The following MTA3 variants were observed in gnomAD, a reference collection of about 807,000 sequenced individuals.
MTA3 encodes metastasis associated 1 family member 3, also known as metastasis-associated protein MTA3.
Under a neutral mutation model 83.5 loss-of-function variants are expected in MTA3, and 34 were observed. That is an observed-to-expected ratio of 0.41 (90% CI 0.31 to 0.54). The LOEUF is 0.54. MTA3 is among the 20% of genes least tolerant of loss of function. MTA3 has a pLI of 0.33. For synonymous variants in MTA3, 303 were observed against 252.7 expected, an observed-to-expected ratio of 1.20 and a Z score of -1.89; for missense variants, 761 against 726.4, an observed-to-expected ratio of 1.05 and a Z score of -0.55.
In MTA3 at chr2:42,519,770, C is replaced by T. The variant is rs550656582; in HGVS notation, c.-141+24516C>T. Among the ~76,000 whole-genome samples, 4 of 152,098 alleles carry T rather than the reference C, an allele frequency of 2.6e-5. No individual in the cohort carries two copies. In the East Asian group the frequency reaches 7.8e-4, roughly 29 times the overall value. On this transcript the variant is annotated intron_variant, in intron 2 of 17. Coordinates refer to the MTA3 transcript ENST00000405592. ...AAATTCTTTTAAAAATTAACCAGGG[C>T]CGGTTACGGTGGCTCACACTTGTAA...
intron 2 of MTA3, among the ~76,000 whole-genome samples, chr2:42,525,498 C>CTTTCCTTCCTTCCTTCCTTCCTTG (rs70963323): frequency 6.7e-6 from 1 of 148,406 alleles, no homozygotes; most frequent in Non-Finnish European, 1.5e-5. Context: ...TTCCTTCCTT[C>CTTTCCTTCCTTCCTTCCTTCCTTG]CTTCCTTCCC....
At chr2:42,750,592 C>T (rs1239438840) in intron 16 of MTA3, among the ~76,000 whole-genome samples, 2 of 152,148 alleles carry the variant, frequency 1.3e-5, no homozygotes, top group African/African-American at 4.8e-5. Flanking sequence ...ATGGGCTTGT[C>T]AGATTCCCCA....
intron 8 of MTA3, among the ~76,000 whole-genome samples, chr2:42,681,859 C>G (rs1201932689): frequency 6.7e-6 from 1 of 149,804 alleles, no homozygotes; most frequent in Non-Finnish European, 1.5e-5. Flanking sequence ...CCACAGCACT[C>G]CAGCATGGGT....
In MTA3 at chr2:42,586,553, G is replaced by C. The variant is rs1466482544; in HGVS notation, c.190+7353G>C. On this transcript the variant is annotated intron_variant, in intron 3 of 16. Transcript: ENST00000405094. ...AGGAAAAACACACACACACAAGGAA[G>C]GAAAACACACACACACACACACACA... is the stretch of plus-strand genomic sequence containing the variant. Among the ~76,000 whole-genome samples, 91 of 73,492 alleles carry C rather than the reference G, an allele frequency of 1.2e-3. 3 individuals carry two copies. The highest frequency in any genetic ancestry group is 4.3e-3 in the African/African-American group (85 of 19,732). 48.2% of individuals were successfully genotyped at this position (73,492 alleles called of 152,430 possible). A position where few individuals can be genotyped will look rare whatever the true frequency, so the allele number is the denominator to read the frequency against.
rs116397480 is a variant in MTA3, at chr2:42,664,643, G to A, written c.702+4781G>A. On this transcript the variant is annotated intron_variant, in intron 8 of 16. Coordinates refer to ENST00000405094, the MANE Select transcript of MTA3 (RefSeq NM_001330442.2). The stretch of plus-strand genomic sequence containing the variant: ...ATTACAGGCGTCCGCCACCACTGCC[G>A]ACTAATTACGGTCCTATTCTGATCG... Among the ~76,000 whole-genome samples the A allele has an allele frequency of 3.8e-3, 583 of 151,828 alleles. 4 individuals are homozygous for A. The highest frequency in any genetic ancestry group is 0.013 in the African/African-American group (530 of 41,394).
intron 3 of MTA3, among the ~76,000 whole-genome samples, chr2:42,589,461 T>C (rs1680712499): frequency 6.6e-6 from 1 of 152,320 alleles, no homozygotes. Context: ...GGCAGCTAAA[T>C]AAATAACACT....
chr2:42,696,268 G>A (rs1360659722), intron 10 of MTA3, among the ~76,000 whole-genome samples: 1 of 152,048 alleles, frequency 6.6e-6, no homozygotes, highest in African/African-American at 2.4e-5. Context: ...CATTTGTGTG[G>A]CTATACCCCC....
intron 16 of MTA3, among the ~76,000 whole-genome samples, chr2:42,731,523 C>A (rs1240858988): frequency 6.6e-6 from 1 of 152,176 alleles, no homozygotes; most frequent in Non-Finnish European, 1.5e-5. Flanking sequence ...ATAAACCCAT[C>A]AGATCTCGTG....
At chr2:42,663,570 A>C (rs753799211) in intron 8 of MTA3, among the ~76,000 whole-genome samples, 2 of 152,146 alleles carry the variant, frequency 1.3e-5, no homozygotes, top group Non-Finnish European at 2.9e-5. Context: ...AGACAGGCCT[A>C]GGCAACATAA....
At chr2:42,559,123 CCT>C (rs1677540029) in intron 2 of MTA3, among the ~76,000 whole-genome samples, 1 of 152,164 alleles carries the variant, frequency 6.6e-6, no homozygotes, top group African/African-American at 2.4e-5. Flanking sequence ...CTAGTCTAGG[CCT>C]CTCTGCTAAG....
intron 2 of MTA3, among the ~76,000 whole-genome samples, chr2:42,507,597 T>C (rs1192641164): frequency 2.6e-5 from 4 of 151,868 alleles, no homozygotes; most frequent in Admixed American, 6.6e-5. Flanking sequence ...TCTTTTTTTT[T>C]AACTGTGTGA....
chr2:42,713,597 C>A (rs2104520711), intron 14 of MTA3, among the ~76,000 whole-genome samples: 1 of 139,598 alleles, frequency 7.2e-6, no homozygotes, highest in East Asian at 2.2e-4. Context: ...TCAATGATAA[C>A]CATTATCATC....
At chr2:42,631,645 G>A (rs1228519477) in intron 4 of MTA3, among the ~76,000 whole-genome samples, 1 of 152,132 alleles carries the variant, frequency 6.6e-6, no homozygotes, top group Non-Finnish European at 1.5e-5. Flanking sequence ...CATACTTTGT[G>A]TTACAAACAA....
intron 2 of MTA3, among the ~76,000 whole-genome samples, chr2:42,519,469 G>C (rs1228468288): frequency 6.6e-6 from 1 of 151,862 alleles, no homozygotes; most frequent in Admixed American, 6.6e-5. Flanking sequence ...AGCCGGGTGT[G>C]ATGGCACATG....
Position 42,707,960 on chromosome 2 carries a change from G to A in MTA3, c.1208G>A (p.Cys403Tyr). 5.0e-6 allele frequency: 8 copies of A among 1,613,376 alleles called. No individual in the cohort carries two copies. Among genetic ancestry groups the A allele is most frequent in the South Asian group, 1.1e-5 (1 of 90,956 alleles). The change falls in exon 13 of 17, where the codon TGT becomes TAT. Residue 403 changes from cysteine to tyrosine, a missense_variant. Coordinates refer to ENST00000405094, the MANE Select transcript of MTA3 (RefSeq NM_001330442.2). ...WGPPNMQCRL[C>Y]AICWLYWKKY... ...CCACCTAATATGCAGTGTAGATTAT[G>A]TGCAATTTGTTGGCTTTATTGGAAA...
intron 8 of MTA3, among the ~76,000 whole-genome samples, chr2:42,678,771 C>T (rs893367307): frequency 3.3e-5 from 5 of 152,148 alleles, no homozygotes; most frequent in Non-Finnish European, 5.9e-5. Context: ...TTAGTTAATG[C>T]ATCACTGTGT....
intron 2 of MTA3, among the ~76,000 whole-genome samples, chr2:42,526,936 C>T (rs1431153630): frequency 6.6e-6 from 1 of 151,274 alleles, no homozygotes; most frequent in Non-Finnish European, 1.5e-5. Context: ...TGCCTGTAGT[C>T]CCAGCTACTC....
intron 3 of MTA3, among the ~76,000 whole-genome samples, chr2:42,596,039 G>C (rs1171752928): frequency 1.3e-5 from 2 of 152,128 alleles, no homozygotes; most frequent in Admixed American, 1.3e-4. Flanking sequence ...AACAATAAAA[G>C]GTCATCCTGG....
In MTA3 at chr2:42,722,902, A is replaced by G. The variant is rs1366320521; in HGVS notation, c.1626A>G (p.Ala542=). The part of the protein sequence containing the change: ...CIIGYLEIHP[A]KKPNVIRSTP... ...TTCCCCCATCAGAGATCCATCCTGC[A>G]AAGAAACCTAATGTAATTCGATCTA... Residue 542 remains alanine, a synonymous_variant, in exon 16 of 17, where the codon GCA becomes GCG. Transcript: ENST00000405094. The G allele has an allele frequency of 1.9e-6, 3 of 1,547,082 alleles. No homozygotes were observed. The East Asian group carries it at 7.4e-5, about 38-fold the overall frequency.
Sources: gnomAD v4.1 joint callset for allele counts (sites outside exome capture counted in the v4.1 genomes callset) on GRCh38, gnomAD v4.1.1 for gene constraint, MANE v1.5 for transcripts, NCBI Gene and HGNC (gene_info 2026-07-23, HGNC 2026-07-21) for gene names.